Variants in GPCPD1 observed in about 807,000 individuals in gnomAD.
GPCPD1 encodes glycerophosphocholine phosphodiesterase 1.
Under a neutral mutation model 89.2 loss-of-function variants are expected in GPCPD1, and 29 were observed. That is an observed-to-expected ratio of 0.33 (90% CI 0.24 to 0.44). The LOEUF (loss-of-function observed/expected upper bound fraction) is 0.44, where lower values mean the gene tolerates loss of function less well. GPCPD1 is among the 20% of genes least tolerant of loss of function. GPCPD1 has a pLI of 1.00. For synonymous variants in GPCPD1, 258 were observed against 266.3 expected (o/e 0.97, Z 0.30); for missense variants, 594 against 808.9 (o/e 0.73, Z 3.22).
chr20:5,579,126 A>C (rs942534805), intron 7 of GPCPD1, among the ~76,000 whole-genome samples: 1 of 152,118 alleles, frequency 6.6e-6, no homozygotes, highest in African/African-American at 2.4e-5. Context: ...TGGAGGTTGC[A>C]GTGAGCCGAG....
chr20:5,601,203 A>G (rs1157490255), intron 2 of GPCPD1, among the ~76,000 whole-genome samples: 1 of 151,714 alleles, frequency 6.6e-6, no homozygotes, highest in Admixed American at 6.6e-5. Flanking sequence ...AATTTTAAGT[A>G]AGAATAATTT....
At chr20:5,579,543 T>C (rs1360908018) in intron 7 of GPCPD1, among the ~76,000 whole-genome samples, 1 of 152,146 alleles carries the variant, frequency 6.6e-6, no homozygotes, top group Non-Finnish European at 1.5e-5. Flanking sequence ...AGACGTGGTT[T>C]CACCATGTTG....
intron 4 of GPCPD1, among the ~76,000 whole-genome samples, chr20:5,591,232 A>G (rs992824155): frequency 2.0e-5 from 3 of 152,256 alleles, no homozygotes; most frequent in Non-Finnish European, 2.9e-5. Context: ...ATTCACAAAG[A>G]GAACACGTCA....
At chr20:5,597,958 A>G (rs1007379321) in intron 3 of GPCPD1, among the ~76,000 whole-genome samples, 4 of 152,262 alleles carry the variant, frequency 2.6e-5, no homozygotes, top group African/African-American at 9.6e-5. Context: ...AAATACTTTT[A>G]TAGGCAAATA....
At chr20:5,551,607 T>C (rs1433506502) in intron 19 of GPCPD1, among the ~76,000 whole-genome samples, 1 of 152,100 alleles carries the variant, frequency 6.6e-6, no homozygotes, top group African/African-American at 2.4e-5. Flanking sequence ...TTTTATGAAG[T>C]ATATTTAAAG....
rs180688510 is a variant in GPCPD1, at chr20:5,560,671, C to T, written c.1396-595G>A. On this transcript the variant is annotated intron_variant, in intron 16 of 19. Transcript: ENST00000379019. ...ATCACATTATTAGGGAAACCTTAGTCGAGAATTCACTACATTAATGAGGAC... is the reference window on the plus strand; with the variant it reads ...ATCACATTATTAGGGAAACCTTAGTTGAGAATTCACTACATTAATGAGGAC... Among the ~76,000 whole-genome samples, 8 of 152,208 alleles carry T rather than the reference C, an allele frequency of 5.3e-5. No individual in the cohort carries two copies. The East Asian group carries it at 1.5e-3, about 29-fold the overall frequency.
chr20:5,593,971 G>A (rs1016675928), intron 3 of GPCPD1, among the ~76,000 whole-genome samples: 1 of 152,166 alleles, frequency 6.6e-6, no homozygotes, highest in Non-Finnish European at 1.5e-5. Context: ...TCCTACCCAG[G>A]CTCTGGCTAT....
At chr20:5,559,585 ATTTTT>A (rs11459602) in intron 17 of GPCPD1, among the ~76,000 whole-genome samples, 25 of 151,986 alleles carry the variant, frequency 1.6e-4, no homozygotes, top group African/African-American at 6.0e-4. Context: ...CTCAAAAACA[ATTTTT>A]TTTAATAAAA....
intron 16 of GPCPD1, 22 bp from the exon 17 acceptor site, chr20:5,560,098 T>C: frequency 6.7e-7 from 1 of 1,499,722 alleles, no homozygotes; most frequent in African/African-American, 1.4e-5. Flanking sequence ...GAAAGCAAAA[T>C]AAAAGTCACT....
Position 5,547,553 on chromosome 20 carries a change from C to T in GPCPD1, c.*108G>A, listed in dbSNP as rs1261613702. ...AGAGTTAAATACTTCATTATTGCTT[C>T]ATTGAACTGAGAAGCCCAAAAGGCA... On this transcript the variant is annotated 3_prime_UTR_variant, in exon 20 of 20. Transcript: ENST00000379019. 5.2e-6 allele frequency: 3 copies of T among 572,604 alleles called. No individual in the cohort carries two copies. Among genetic ancestry groups the T allele is most frequent in the Non-Finnish European group, 6.4e-6 (2 of 314,918 alleles). 35.5% of individuals were successfully genotyped at this position (572,604 alleles called of 1,614,324 possible). A position where few individuals can be genotyped will look rare whatever the true frequency, so the allele number is the denominator to read the frequency against.
chr20:5,581,718 T>C (rs1322111464), intron 6 of GPCPD1, among the ~76,000 whole-genome samples: 1 of 151,906 alleles, frequency 6.6e-6, no homozygotes, highest in Non-Finnish European at 1.5e-5. Context: ...TCTAAGCTTT[T>C]TCATCAACAG....
chr20:5,562,254 G>C (rs1255293473), intron 15 of GPCPD1, among the ~76,000 whole-genome samples: 1 of 152,088 alleles, frequency 6.6e-6, no homozygotes, highest in Non-Finnish European at 1.5e-5. Flanking sequence ...AATATGCTCA[G>C]GGCAAAATGA....
chr20:5,598,187 C>CA (rs1261563612), intron 3 of GPCPD1, among the ~76,000 whole-genome samples: 4 of 139,714 alleles, frequency 2.9e-5, no homozygotes, highest in African/African-American at 1.1e-4. Flanking sequence ...AAAAAAACCC[C>CA]AAAAAACAAA....
chr20:5,604,236 C>A, intron 2 of GPCPD1, 128 bp downstream of exon 2: 2 of 617,260 alleles, frequency 3.2e-6, no homozygotes, highest in Non-Finnish European at 2.9e-6. Flanking sequence ...TGCTGTCAGG[C>A]AAGACCTATA....
intron 11 of GPCPD1, among the ~76,000 whole-genome samples, chr20:5,572,496 T>C (rs1213359304): frequency 6.6e-6 from 1 of 152,164 alleles, no homozygotes; most frequent in Non-Finnish European, 1.5e-5. Flanking sequence ...GGCTAAAATA[T>C]TTTAAAAGTA....
chr20:5,557,559 A>G (rs1332123081), intron 19 of GPCPD1, among the ~76,000 whole-genome samples: 3 of 152,190 alleles, frequency 2.0e-5, no homozygotes, highest in Non-Finnish European at 4.4e-5. Context: ...TGGAAATAAA[A>G]GTCTACAGAG....
In GPCPD1 at chr20:5,545,115, T is replaced by C. The variant is rs538392740; in HGVS notation, c.*2546A>G. 9 of 152,316 alleles carry C rather than the reference T, an allele frequency of 5.9e-5. No homozygotes were observed. Among genetic ancestry groups the C allele is most frequent in the African/African-American group, 2.2e-4 (9 of 41,578 alleles). The allele number at this position is 152,316 out of a possible 1,614,324, so 9.4% of individuals were successfully genotyped here. Reference sequence around the variant, plus strand: ...CATAAAGTATAAAATAATTTAACATTATACCTCTACATTTCAAAATTCACA... The same window carrying C: ...CATAAAGTATAAAATAATTTAACATCATACCTCTACATTTCAAAATTCACA... On this transcript the variant is annotated 3_prime_UTR_variant, in exon 20 of 20. Transcript: ENST00000379019.
chr20:5,574,663 C>T (rs180719649), intron 10 of GPCPD1, among the ~76,000 whole-genome samples: 171 of 152,092 alleles, frequency 1.1e-3, no homozygotes, highest in East Asian at 9.7e-4. Context: ...GCTTGAGCTC[C>T]GGAAATTAAG....
chr20:5,589,873 A>G (rs1979203323), intron 4 of GPCPD1, among the ~76,000 whole-genome samples: 1 of 152,244 alleles, frequency 6.6e-6, no homozygotes, highest in Non-Finnish European at 1.5e-5. Context: ...AATGATGTCA[A>G]TCTAAGACAA....
Sources: gnomAD v4.1 joint callset for allele counts (sites outside exome capture counted in the v4.1 genomes callset) on GRCh38, gnomAD v4.1.1 for gene constraint, MANE v1.5 for transcripts, NCBI Gene and HGNC (gene_info 2026-07-23, HGNC 2026-07-21) for gene names.